Variants in EPHA5 observed in about 807,000 individuals in gnomAD.
The protein encoded by EPHA5 is EPH receptor A5.
EPHA5 carries 60 observed loss-of-function variants against 105.0 expected under a neutral mutation model. That is an observed-to-expected ratio of 0.57 (90% CI 0.46 to 0.71). The LOEUF (loss-of-function observed/expected upper bound fraction) is 0.71. EPHA5 is among the 30% of genes least tolerant of loss of function. The probability of loss-of-function intolerance (pLI) is 0.00; values close to 1 mark genes in which losing one functional copy is unlikely to be tolerated. For synonymous variants in EPHA5, 513 were observed against 449.1 expected, an observed-to-expected ratio of 1.14 and a Z score of -1.80; for missense variants, 1,218 against 1,274.7, an observed-to-expected ratio of 0.96 and a Z score of 0.68.
rs1435012088 is a variant in EPHA5, at chr4:65,351,611, T to C, written c.2236-13A>G. The C allele has an allele frequency of 1.2e-6, 2 of 1,612,180 alleles. No homozygotes were observed. The highest frequency in any genetic ancestry group is 2.2e-5 in the East Asian group (1 of 44,836). On this transcript the variant is annotated splice_polypyrimidine_tract_variant and intron_variant, in intron 12 of 16. Coordinates refer to ENST00000613740, the MANE Select transcript of EPHA5 (RefSeq NM_001281766.3). The stretch of plus-strand genomic sequence containing the variant: ...GCCCATCGTTTTTCTGTAAAGACAA[T>C]GTAGAAATATTAGTCTAGCAACACC...
intron 3 of EPHA5, among the ~76,000 whole-genome samples, chr4:65,514,674 A>C (rs1733932409): frequency 6.6e-6 from 1 of 152,178 alleles, no homozygotes; most frequent in Admixed American, 6.6e-5. Flanking sequence ...GCATTTTTAA[A>C]GGTTTGTTAT....
In EPHA5 at chr4:65,320,112, C is replaced by T. The variant is rs1719517585; in HGVS notation, c.*4002G>A. 4.3e-6 allele frequency: 1 copy of T among 230,100 alleles called. No homozygotes were observed. 14.3% of individuals were successfully genotyped at this position (230,100 alleles called of 1,614,324 possible). ...ATTATGTGGTCATTCTGAACAAGAA[C>T]ATTCAATCATTTATGTGTGAAAAGA... On this transcript the variant is annotated 3_prime_UTR_variant, in exon 17 of 17. Coordinates refer to ENST00000613740, the MANE Select transcript of EPHA5 (RefSeq NM_001281766.3).
intron 3 of EPHA5, among the ~76,000 whole-genome samples, chr4:65,591,600 T>TTTAA (rs1368050443): frequency 2.7e-5 from 4 of 150,300 alleles, no homozygotes; most frequent in African/African-American, 1.0e-4. Flanking sequence ...TTAATTTTAA[T>TTTAA]TTTATTTTTT....
chr4:65,614,758 T>C (rs1331146930), intron 2 of EPHA5, among the ~76,000 whole-genome samples: 1 of 151,850 alleles, frequency 6.6e-6, no homozygotes. Flanking sequence ...TGGGAGTATA[T>C]ATTAGTAGCC....
At chr4:65,601,611 GC>G (rs1743730701) in intron 3 of EPHA5, 29 bp downstream of exon 3, 2 of 1,597,042 alleles carry the variant, frequency 1.3e-6, no homozygotes, top group South Asian at 2.2e-5. Context: ...GAAGCAGACA[GC>G]CCCTGCAGAT....
intron 6 of EPHA5, among the ~76,000 whole-genome samples, chr4:65,420,038 TC>T (rs1368677344): frequency 1.3e-5 from 2 of 152,174 alleles, no homozygotes; most frequent in East Asian, 1.9e-4. Context: ...ATGTGTCTCA[TC>T]TTTTTTCTTA....
chr4:65,524,781 C>T (rs1053989715), intron 3 of EPHA5, among the ~76,000 whole-genome samples: 7 of 151,662 alleles, frequency 4.6e-5, no homozygotes, highest in Admixed American at 6.6e-5. Flanking sequence ...AGAGTACTGA[C>T]ACCAATAATT....
chr4:65,635,870 G>C (rs1322891566), intron 2 of EPHA5, among the ~76,000 whole-genome samples: 1 of 152,116 alleles, frequency 6.6e-6, no homozygotes, highest in African/African-American at 2.4e-5. Context: ...GGCTAGTGAA[G>C]CTATGAATAA....
chr4:65,408,548 T>C (rs988334239), intron 7 of EPHA5, among the ~76,000 whole-genome samples: 1 of 116,392 alleles, frequency 8.6e-6, no homozygotes, highest in African/African-American at 3.0e-5. Context: ...CAGACACTTC[T>C]CAAAAGAAGA....
intron 3 of EPHA5, among the ~76,000 whole-genome samples, chr4:65,506,023 C>T (rs939593753): frequency 6.6e-6 from 1 of 152,058 alleles, no homozygotes; most frequent in Non-Finnish European, 1.5e-5. Flanking sequence ...ATAACAGGCC[C>T]CAGTGTGTGA....
At chr4:65,401,398 T>G (rs62312559) in intron 8 of EPHA5, among the ~76,000 whole-genome samples, 15,186 of 152,102 alleles carry the variant, frequency 0.1, 967 homozygotes, top group Middle Eastern at 0.24. Flanking sequence ...CTTTTAGTTA[T>G]ATTTATATAA....
chr4:65,326,898 TA>T (rs1193655548), intron 16 of EPHA5, among the ~76,000 whole-genome samples: 4 of 151,244 alleles, frequency 2.6e-5, no homozygotes, highest in East Asian at 3.9e-4. Flanking sequence ...TGAAAGAATT[TA>T]TAAGTTCTCT....
At chr4:65,561,101 C>T (rs1231928967) in intron 3 of EPHA5, among the ~76,000 whole-genome samples, 6 of 151,596 alleles carry the variant, frequency 4.0e-5, no homozygotes, top group East Asian at 1.9e-4. Flanking sequence ...TTTCTATCCC[C>T]GATAGGCTAG....
chr4:65,611,642 T>C (rs1203769849), intron 2 of EPHA5, among the ~76,000 whole-genome samples: 1 of 152,124 alleles, frequency 6.6e-6, no homozygotes, highest in South Asian at 2.1e-4. Context: ...TCTGTTCTTT[T>C]TTCAGTCCTC....
At chr4:65,664,033 T>C (rs1341286874) in intron 1 of EPHA5, among the ~76,000 whole-genome samples, 1 of 151,974 alleles carries the variant, frequency 6.6e-6, no homozygotes, top group Non-Finnish European at 1.5e-5. Context: ...CTACACTGCT[T>C]CCATTTTTAC....
At chr4:65,609,639 C>T (rs1480712334) in intron 2 of EPHA5, among the ~76,000 whole-genome samples, 1 of 130,538 alleles carries the variant, frequency 7.7e-6, no homozygotes, top group African/African-American at 2.7e-5. Context: ...GGAAAAAAAT[C>T]AGTTTTTTTT....
At chr4:65,613,582 T>A (rs1052980605) in intron 2 of EPHA5, among the ~76,000 whole-genome samples, 1 of 152,046 alleles carries the variant, frequency 6.6e-6, no homozygotes, top group African/African-American at 2.4e-5. Context: ...CCTGTAGAGA[T>A]TTTTTTAGCC....
chr4:65,365,350 G>A (rs1240073813), intron 10 of EPHA5, 148 bp from the exon 11 acceptor site: 9 of 663,948 alleles, frequency 1.4e-5, no homozygotes, highest in African/African-American at 1.8e-5. Context: ...TCAGAAAAGG[G>A]TAGTCTACAC....
chr4:65,496,629 T>C (rs866029638), intron 3 of EPHA5, among the ~76,000 whole-genome samples: 3 of 151,838 alleles, frequency 2.0e-5, no homozygotes, highest in Middle Eastern at 3.4e-3. Flanking sequence ...CAGTCTATCA[T>C]TGTTGGACAT....
Sources: allele counts gnomAD v4.1 joint callset (sites outside exome capture counted in the v4.1 genomes callset), GRCh38; gene constraint gnomAD v4.1.1; transcripts MANE v1.5; gene names NCBI Gene and HGNC (gene_info 2026-07-23, HGNC 2026-07-21).